The following MON1B variants were observed in gnomAD, a reference collection of about 807,000 sequenced individuals.
MON1B encodes MON1 vesicular trafficking associated B, also known as vacuolar fusion protein MON1 homolog B.
Under a neutral mutation model 45.1 loss-of-function variants are expected in MON1B, and 26 were observed. The observed-to-expected ratio is 0.58, with a 90% CI of 0.42 to 0.80. The LOEUF is 0.80. Among genes scored for constraint, MON1B ranks in the 30% least tolerant of loss-of-function variants. The pLI is 0.00. For synonymous variants in MON1B, 395 were observed against 320.2 expected, an observed-to-expected ratio of 1.23 and a Z score of -2.49; for missense variants, 737 against 754.5, an observed-to-expected ratio of 0.98 and a Z score of 0.27.
intron 5 of MON1B, 90 bp from the exon 6 acceptor site, chr16:77,198,018 A>G (rs1261430629): frequency 2.7e-5 from 35 of 1,306,520 alleles, no homozygotes; most frequent in Non-Finnish European, 3.5e-5. Context: ...TCCAGGTTGC[A>G]GGAGGCAGAC....
In MON1B at chr16:77,194,297, C is replaced by G; in HGVS notation, c.476-38C>G. ...CTGTCTCCCTCTGGTCATTCCTGATCCAGCTGTACCCCCCCTTCTTACCCC... is the reference window on the plus strand; with the variant it reads ...CTGTCTCCCTCTGGTCATTCCTGATGCAGCTGTACCCCCCCTTCTTACCCC... On this transcript the variant is annotated intron_variant, in intron 3 of 5. Coordinates refer to ENST00000248248, the MANE Select transcript of MON1B (RefSeq NM_014940.4). This position sits in a 1 kb window ranked among gnomAD's most constrained non-coding sequence, Gnocchi z 8.1. 4 of 1,555,308 alleles carry G rather than the reference C, an allele frequency of 2.6e-6. No individual in the cohort carries two copies. In the South Asian group the frequency reaches 4.4e-5, roughly 17 times the overall value.
At chr16:77,191,385 A>T in intron 1 of MON1B, 91 bp from the exon 2 acceptor site, 2 of 1,584,350 alleles carry the variant, frequency 1.3e-6, no homozygotes, top group Non-Finnish European at 1.7e-6. Context: ...GGAAATGAGC[A>T]GTAGGAGTGT....
chr16:77,199,242 G>A lies in MON1B; in HGVS notation c.*934G>A, dbSNP rs2054701172. 5.2e-6 allele frequency: 3 copies of A among 572,308 alleles called. No individual in the cohort carries two copies. The highest frequency in any genetic ancestry group is 9.4e-6 in the Non-Finnish European group (3 of 317,806). The allele number at this position is 572,308 out of a possible 1,614,324, so 35.5% of individuals were successfully genotyped here. A position where few individuals can be genotyped will look rare whatever the true frequency, so the allele number is the denominator to read the frequency against. Reference sequence around the variant, plus strand: ...TGGCCATTACCCTAGTTCTGCCCTTGTTTGTGGAGTTACAGCCTCAAGGTT... The same window carrying A: ...TGGCCATTACCCTAGTTCTGCCCTTATTTGTGGAGTTACAGCCTCAAGGTT... On this transcript the variant is annotated 3_prime_UTR_variant, in exon 6 of 6. Transcript: ENST00000248248.
In MON1B at chr16:77,202,042, G is replaced by C. The variant is rs2054748903; in HGVS notation, c.*3734G>C. Reference sequence around the variant, plus strand: ...AGTGCAGAGGTAGAGGCATTTTTGTGATTTATTGTTCTATTTTTTCTTCTA... The same window carrying C: ...AGTGCAGAGGTAGAGGCATTTTTGTCATTTATTGTTCTATTTTTTCTTCTA... On this transcript the variant is annotated 3_prime_UTR_variant, in exon 6 of 6. Coordinates refer to ENST00000248248, the MANE Select transcript of MON1B (RefSeq NM_014940.4). The C allele has an allele frequency of 6.6e-6, 1 of 152,036 alleles. No individual in the cohort carries two copies. The highest frequency in any genetic ancestry group is 6.6e-5 in the Admixed American group (1 of 15,242). 9.4% of individuals were successfully genotyped at this position (152,036 alleles called of 1,614,324 possible). A position where few individuals can be genotyped will look rare whatever the true frequency, so the allele number is the denominator to read the frequency against.
Position 77,198,140 on chromosome 16 carries a change from C to T in MON1B, c.1476C>T (p.Leu492=). ...VTSKFELYTC[L]SPLVTKAGAI... ...CCAAATTCGAGCTCTATACCTGCCT[C>T]AGCCCTCTGGTGACCAAGGCAGGTG... is the stretch of plus-strand genomic sequence containing the variant. The change falls in exon 6 of 6, where the codon CTC becomes CTT. Residue 492 remains leucine (L), a synonymous_variant. Transcript: ENST00000248248. 6.2e-7 allele frequency: 1 copy of T among 1,614,184 alleles called. No individual in the cohort carries two copies. Among genetic ancestry groups the T allele is most frequent in the Non-Finnish European group, 8.5e-7 (1 of 1,180,024 alleles).
rs532227355 is a variant in MON1B at position 77,199,475 on chromosome 16, G to C, written c.*1167G>C. ...AAATGGCGGGGAAGCTGAAACCTCT[G>C]AATGTGGAGGCGCCAGAAGCTACTG... On this transcript the variant is annotated 3_prime_UTR_variant, in exon 6 of 6. Coordinates refer to ENST00000248248, the MANE Select transcript of MON1B (RefSeq NM_014940.4). 2 of 1,551,522 alleles carry C rather than the reference G, an allele frequency of 1.3e-6. No individual in the cohort carries two copies. The highest frequency in any genetic ancestry group is 1.7e-6 in the Non-Finnish European group (2 of 1,146,982).
chr16:77,191,398 C>T, intron 1 of MON1B, 78 bp from the exon 2 acceptor site: 2 of 1,581,948 alleles, frequency 1.3e-6, no homozygotes, highest in Non-Finnish European at 8.6e-7. Context: ...AGGAGTGTGT[C>T]CAAGGGGGCC....
rs1361471915 is a variant in MON1B at position 77,191,467 on chromosome 16, C to G, written c.-10-9C>G. 2.5e-6 allele frequency: 4 copies of G among 1,588,646 alleles called. No individual in the cohort carries two copies. The highest frequency in any genetic ancestry group is 3.4e-6 in the Non-Finnish European group (4 of 1,169,710). ...ACCGCCCGTCACCCTCGATTCCCCT[C>G]CCACTCAGGGATGTGCAGATGGAGG... On this transcript the variant is annotated splice_polypyrimidine_tract_variant and intron_variant, in intron 1 of 5. Coordinates refer to ENST00000248248, the MANE Select transcript of MON1B (RefSeq NM_014940.4).
In MON1B at chr16:77,193,716, A is replaced by G; in HGVS notation, c.414A>G (p.Val138=). The G allele has an allele frequency of 6.2e-7, 1 of 1,614,004 alleles. No homozygotes were observed. The change falls in exon 3 of 6, where the codon GTA becomes GTG. Residue 138 remains valine (V), a synonymous_variant. Coordinates refer to ENST00000248248, the MANE Select transcript of MON1B (RefSeq NM_014940.4). The surrounding 1 kb of genome is among the most constrained non-coding windows in gnomAD (Gnocchi z 5.0). ...AGGCGCTGTCGGCTACCATGGGTGT[A>G]ATGACCGCCCTGGTGTCCTTTGTGC... The part of the protein sequence containing the change: ...SVEALSATMG[V]MTALVSFVQS...
intron 5 of MON1B, 63 bp from the exon 6 acceptor site, chr16:77,198,045 G>A: frequency 2.6e-6 from 4 of 1,516,330 alleles, no homozygotes; most frequent in South Asian, 1.1e-5. Context: ...CTGCACTGGG[G>A]TAGGCAGGAT....
At chr16:77,192,761 G>T (rs1414031391) in intron 2 of MON1B, among the ~76,000 whole-genome samples, 1 of 151,972 alleles carries the variant, frequency 6.6e-6, no homozygotes, top group Non-Finnish European at 1.5e-5. Flanking sequence ...GAGGGTCATT[G>T]AAAAACCAGG....
chr16:77,197,372 G>T (rs138290361), intron 5 of MON1B, among the ~76,000 whole-genome samples: 1 of 152,118 alleles, frequency 6.6e-6, no homozygotes, highest in Non-Finnish European at 1.5e-5. Flanking sequence ...CTCCAGCCTG[G>T]GTAACAGAGT....
chr16:77,194,804 C>G lies in MON1B; in HGVS notation c.945C>G (p.Ala315=), dbSNP rs752824490. Residue 315 remains alanine, a synonymous_variant, in exon 4 of 6, where the codon GCC becomes GCG. Transcript: ENST00000248248. This position sits in a 1 kb window ranked among gnomAD's most constrained non-coding sequence, Gnocchi z 8.1. ...QLLLDWVGAP[A]FAAGEAWAPV... The stretch of plus-strand genomic sequence containing the variant: ...TGCTCGACTGGGTGGGTGCACCAGC[C>G]TTTGCGGCGGGTGAGGCTTGGGCAC... 4.6e-5 allele frequency: 74 copies of G among 1,613,336 alleles called. No homozygotes were observed. The highest frequency in any genetic ancestry group is 6.0e-5 in the Non-Finnish European group (71 of 1,180,018).
At position 77,194,916 on chromosome 16, in the gene MON1B, C is replaced by G. The variant is rs1430508757; in HGVS notation, c.1057C>G (p.Leu353Val). Reference protein sequence around the residue: ...LDAMPVCLLLLGTQREAFHAM... With the variant: ...LDAMPVCLLLVGTQREAFHAM... ...TGCTATGCCTGTCTGCCTGCTGCTGCTTGGCACCCAACGTGAAGCCTTCCA... is the reference window on the plus strand; with the variant it reads ...TGCTATGCCTGTCTGCCTGCTGCTGGTTGGCACCCAACGTGAAGCCTTCCA... The change falls in exon 4 of 6, where the codon CTT (leucine) becomes GTT (valine). Residue 353 changes from leucine (L) to valine (V), a missense_variant. Coordinates refer to ENST00000248248, the MANE Select transcript of MON1B (RefSeq NM_014940.4). This position sits in a 1 kb window ranked among gnomAD's most constrained non-coding sequence, Gnocchi z 8.1. 1 of 1,613,602 alleles carries G rather than the reference C, an allele frequency of 6.2e-7. No individual in the cohort carries two copies. The highest frequency in any genetic ancestry group is 2.2e-5 in the East Asian group (1 of 44,876).
chr16:77,193,926 G>A lies in MON1B; in HGVS notation c.475+149G>A. On this transcript the variant is annotated intron_variant, in intron 3 of 5. Transcript: ENST00000248248. The surrounding 1 kb of genome is among the most constrained non-coding windows in gnomAD (Gnocchi z 5.0). ...AGCCAGAGCTCTGTCAGTGGCGGGA[G>A]GTGGGGGGGTTCATCTCTGTCTGGC... 1.3e-6 allele frequency: 1 copy of A among 789,932 alleles called. No homozygotes were observed. Among genetic ancestry groups the A allele is most frequent in the Non-Finnish European group, 2.0e-6 (1 of 508,508 alleles). The allele number at this position is 789,932 out of a possible 1,614,324, so 48.9% of individuals were successfully genotyped here. A position where few individuals can be genotyped will look rare whatever the true frequency, so the allele number is the denominator to read the frequency against.
chr16:77,195,334 G>T (rs993404736), intron 4 of MON1B, among the ~76,000 whole-genome samples, 180 bp downstream of exon 4: 25 of 152,190 alleles, frequency 1.6e-4, no homozygotes, highest in Non-Finnish European at 1.5e-5. Flanking sequence ...CCCCTCTTCT[G>T]GTGGACAGCA....
At chr16:77,191,718 AGG>A in intron 2 of MON1B, 85 bp downstream of exon 2, 1 of 1,464,182 alleles carries the variant, frequency 6.8e-7, no homozygotes, top group Non-Finnish European at 9.2e-7. Context: ...GGTGACCAGT[AGG>A]GAGTCTTGGG....
Position 77,191,529 on chromosome 16 carries a change from C to A in MON1B, c.44C>A (p.Ala15Glu). ...GDTAAPAPGGAEDLEDTQFPS... is the reference protein window; with the variant it reads ...GDTAAPAPGGEEDLEDTQFPS... ...ACTGCTGCCCCGGCCCCCGGGGGCG[C>A]GGAGGACTTGGAGGACACGCAGTTC... The change falls in exon 2 of 6, where the codon GCG becomes GAG. Residue 15 changes from alanine to glutamate, a missense_variant. Ala to Glu is a moderately radical substitution (Grantham distance 107, BLOSUM62 -1). Transcript: ENST00000248248. 1 of 1,608,996 alleles carries A rather than the reference C, an allele frequency of 6.2e-7. No individual in the cohort carries two copies.
rs533125720 is a variant in MON1B, at chr16:77,199,897, G to C, written c.*1589G>C. 5.9e-6 allele frequency: 1 copy of C among 168,290 alleles called. No homozygotes were observed. Among genetic ancestry groups the C allele is most frequent in the African/African-American group, 2.4e-5 (1 of 41,916 alleles). 10.4% of individuals were successfully genotyped at this position (168,290 alleles called of 1,614,324 possible). A position where few individuals can be genotyped will look rare whatever the true frequency, so the allele number is the denominator to read the frequency against. ...TCACACCTAACACATATGACACTTT[G>C]ATGGACTCTTAAACCTCCTAATCGA... is the stretch of plus-strand genomic sequence containing the variant. On this transcript the variant is annotated 3_prime_UTR_variant, in exon 6 of 6. Coordinates refer to ENST00000248248, the MANE Select transcript of MON1B (RefSeq NM_014940.4).
Sources: allele counts gnomAD v4.1 joint callset (sites outside exome capture counted in the v4.1 genomes callset), GRCh38; gene constraint gnomAD v4.1.1; non-coding constraint Gnocchi (gnomAD v3.1); transcripts MANE v1.5; gene names NCBI Gene and HGNC (gene_info 2026-07-23, HGNC 2026-07-21).